PRKG1: variants seen among roughly 807,000 people sequenced by gnomAD.
PRKG1 encodes the protein cGMP-dependent protein kinase 1.
A neutral mutation model predicts 88.1 loss-of-function variants in PRKG1; 35 were observed. The observed-to-expected ratio is 0.40, with a 90% confidence interval of 0.30 to 0.53. The LOEUF (loss-of-function observed/expected upper bound fraction) is 0.53. Among genes scored for constraint, PRKG1 ranks in the 20% least tolerant of loss-of-function variants. The pLI is 0.59. For synonymous variants in PRKG1, 303 were observed against 292.5 expected (o/e 1.04, Z -0.37); for missense variants, 540 against 839.8 (o/e 0.64, Z 4.41).
intron 2 of PRKG1, among the ~76,000 whole-genome samples, chr10:51,321,782 A>G (rs538271287): frequency 2.6e-4 from 39 of 152,222 alleles, no homozygotes; most frequent in Non-Finnish European, 5.3e-4. Context: ...GAAACACAAA[A>G]GATAAACGCT....
chr10:51,179,783 A>G (rs1449094980), intron 2 of PRKG1, among the ~76,000 whole-genome samples: 1 of 152,184 alleles, frequency 6.6e-6, no homozygotes, highest in Non-Finnish European at 1.5e-5. Context: ...GGGGACAGCC[A>G]AAAGTTCCAG....
intron 2 of PRKG1, among the ~76,000 whole-genome samples, chr10:51,208,688 G>A (rs1433352971): frequency 6.6e-6 from 1 of 152,160 alleles, no homozygotes; most frequent in Admixed American, 6.6e-5. Context: ...GGATGAAAGG[G>A]AAGAAAATCA....
chr10:51,793,196 C>T (rs1838918564), intron 3 of PRKG1, among the ~76,000 whole-genome samples: 1 of 138,542 alleles, frequency 7.2e-6, no homozygotes, highest in Non-Finnish European at 1.6e-5. Context: ...AACAATATGA[C>T]CAGAATGAGA....
chr10:51,303,795 C>T (rs1840956771), intron 2 of PRKG1, among the ~76,000 whole-genome samples: 1 of 151,708 alleles, frequency 6.6e-6, no homozygotes, highest in Non-Finnish European at 1.5e-5. Flanking sequence ...TAAAATAAAA[C>T]TATATCTATA....
chr10:51,418,749 G>A (rs936768996), intron 2 of PRKG1, among the ~76,000 whole-genome samples: 4 of 152,270 alleles, frequency 2.6e-5, no homozygotes, highest in African/African-American at 7.2e-5. Flanking sequence ...AACTACAGTG[G>A]AGGGCTATTG....
intron 1 of PRKG1, 71 bp downstream of exon 1, chr10:51,074,972 T>C (rs1406465936): frequency 6.8e-7 from 1 of 1,473,960 alleles, no homozygotes; most frequent in Non-Finnish European, 9.0e-7. Context: ...CTGTATTGTC[T>C]GTCGGCCCCC....
At chr10:51,681,579 A>G (rs1397789066) in intron 3 of PRKG1, among the ~76,000 whole-genome samples, 2 of 152,168 alleles carry the variant, frequency 1.3e-5, no homozygotes, top group African/African-American at 4.8e-5. Flanking sequence ...TTGGATTTTG[A>G]TGTAACTCAG....
At chr10:51,578,755 GT>G (rs1372786274) in intron 3 of PRKG1, among the ~76,000 whole-genome samples, 1 of 152,066 alleles carries the variant, frequency 6.6e-6, no homozygotes, top group Non-Finnish European at 1.5e-5. Context: ...AAGACACCAT[GT>G]TACTCATGCT....
chr10:52,136,965 T>C (rs566702411), intron 8 of PRKG1, among the ~76,000 whole-genome samples: 48 of 152,182 alleles, frequency 3.2e-4, no homozygotes, highest in African/African-American at 1.2e-3. Flanking sequence ...TCTGACCAAA[T>C]GTTGAATTCA....
intron 8 of PRKG1, among the ~76,000 whole-genome samples, chr10:52,142,767 A>G (rs1837617427): frequency 6.6e-6 from 1 of 152,156 alleles, no homozygotes; most frequent in Non-Finnish European, 1.5e-5. Flanking sequence ...CTCACATCCC[A>G]TAACAGCTTT....
At chr10:51,973,766 A>G (rs1375068283) in intron 5 of PRKG1, among the ~76,000 whole-genome samples, 1 of 152,100 alleles carries the variant, frequency 6.6e-6, no homozygotes, top group Non-Finnish European at 1.5e-5. Context: ...CACATAGCCA[A>G]TTGCTCCCTA....
chr10:51,860,978 G>A (rs1840858095), intron 4 of PRKG1, among the ~76,000 whole-genome samples: 1 of 152,150 alleles, frequency 6.6e-6, no homozygotes, highest in African/African-American at 2.4e-5. Context: ...CTTCAGAGCA[G>A]GAATTCATTC....
intron 3 of PRKG1, among the ~76,000 whole-genome samples, chr10:51,578,507 A>G (rs1837944455): frequency 6.6e-6 from 1 of 152,074 alleles, no homozygotes; most frequent in Admixed American, 6.6e-5. Context: ...AACAACCTAT[A>G]ATGGATCTAT....
intron 5 of PRKG1, among the ~76,000 whole-genome samples, chr10:51,967,226 C>A (rs910993713): frequency 1.3e-5 from 2 of 152,130 alleles, no homozygotes; most frequent in African/African-American, 4.8e-5. Flanking sequence ...GAATACTATG[C>A]AGCCATAAAA....
At chr10:51,797,519 A>G (rs1229546188) in intron 3 of PRKG1, among the ~76,000 whole-genome samples, 1 of 146,602 alleles carries the variant, frequency 6.8e-6, no homozygotes, top group East Asian at 1.9e-4. Flanking sequence ...TAGAATATAT[A>G]GATAAATTTG....
chr10:52,098,530 G>GC (rs1220588719), intron 7 of PRKG1, among the ~76,000 whole-genome samples: 1 of 152,162 alleles, frequency 6.6e-6, no homozygotes, highest in Non-Finnish European at 1.5e-5. Flanking sequence ...GTGTAAATAG[G>GC]CCGGGCGCGG....
chr10:51,170,437 TACACACAC>T (rs56159895), intron 2 of PRKG1, among the ~76,000 whole-genome samples: 33 of 144,664 alleles, frequency 2.3e-4, no homozygotes, highest in Non-Finnish European at 4.4e-4. Context: ...TGTCTGGGTA[TACACACAC>T]ACACACACAC....
intron 1 of PRKG1, among the ~76,000 whole-genome samples, chr10:51,115,689 T>G (rs1164787784): frequency 6.6e-6 from 1 of 151,346 alleles, no homozygotes. Flanking sequence ...AATACAAAAA[T>G]TAGCCAGCGT....
At chr10:52,203,253 G>A (rs1839723785) in intron 9 of PRKG1, among the ~76,000 whole-genome samples, 1 of 152,038 alleles carries the variant, frequency 6.6e-6, no homozygotes, top group African/African-American at 2.4e-5. Context: ...CTTGATTTCT[G>A]CCTTAATTTC....
Sources: gnomAD v4.1 joint callset for allele counts (sites outside exome capture counted in the v4.1 genomes callset) on GRCh38, gnomAD v4.1.1 for gene constraint, MANE v1.5 for transcripts, NCBI Gene and HGNC (gene_info 2026-07-23, HGNC 2026-07-21) for gene names.